The following LARP1 variants were observed in gnomAD, a reference collection of about 807,000 sequenced individuals.
The protein encoded by LARP1 is La ribonucleoprotein 1, translational regulator.
LARP1 carries 36 observed loss-of-function variants against 122.7 expected under a neutral mutation model. The ratio of observed to expected loss-of-function variants is 0.29; its 90% CI spans 0.22 to 0.39. The LOEUF is 0.39. LARP1 is among the 10% of genes least tolerant of loss of function. The probability of loss-of-function intolerance (pLI) is 1.00; values close to 1 mark genes in which losing one functional copy is unlikely to be tolerated. For synonymous variants in LARP1, 539 were observed against 528.7 expected (o/e 1.02, Z -0.27); for missense variants, 1,040 against 1,403.6 (o/e 0.74, Z 4.14).
chr5:154,796,005 TTA>T (rs1280666126), intron 8 of LARP1, among the ~76,000 whole-genome samples: 5 of 100,968 alleles, frequency 5.0e-5, no homozygotes, highest in African/African-American at 7.9e-5. Context: ...TTTATATATA[TTA>T]TATATTTATA....
chr5:154,756,185 C>A lies in LARP1; in HGVS notation c.428C>A (p.Ser143Tyr), dbSNP rs1393356423. ...GTCCTGACCACCGTGAACGGACAGTCCCCCCCAGGTGGGTCTCCCTCCTTG... is the reference window on the plus strand; with the variant it reads ...GTCCTGACCACCGTGAACGGACAGTACCCCCCAGGTGGGTCTCCCTCCTTG... ...PPVLTTVNGQ[S>Y]PPEHSAPAKV... The change falls in exon 1 of 19, where the codon TCC (serine) becomes TAC (tyrosine). Residue 143 changes from serine (S) to tyrosine (Y), a missense_variant. Coordinates refer to ENST00000518297, the MANE Select transcript of LARP1 (RefSeq NM_033551.3). 6 of 1,298,320 alleles carry A rather than the reference C, an allele frequency of 4.6e-6. No individual in the cohort carries two copies. The highest frequency in any genetic ancestry group is 2.3e-5 in the Admixed American group (1 of 43,834). 80.4% of individuals were successfully genotyped at this position (1,298,320 alleles called of 1,614,324 possible). A position where few individuals can be genotyped will look rare whatever the true frequency, so the allele number is the denominator to read the frequency against.
intron 1 of LARP1, among the ~76,000 whole-genome samples, chr5:154,767,480 A>G (rs1008267161): frequency 3.3e-5 from 5 of 152,130 alleles, no homozygotes; most frequent in Admixed American, 6.5e-5. Flanking sequence ...GAACTCTCAG[A>G]GCCAGTTTTT....
rs770291550 is a variant in LARP1, at chr5:154,802,247, A to G, written c.1957A>G (p.Met653Val). 4.3e-6 allele frequency: 7 copies of G among 1,614,066 alleles called. No homozygotes were observed. Among genetic ancestry groups the G allele is most frequent in the African/African-American group, 1.3e-5 (1 of 74,918 alleles). The change falls in exon 11 of 19, where the codon ATG (methionine) becomes GTG (valine). Residue 653 changes from methionine to valine, a missense_variant. Physicochemically the swap from Met to Val is conservative, Grantham distance 21. Around this residue, in one of 8 missense-constraint regions of LARP1, gnomAD observed 362 missense variants for 533.1 expected, o/e 0.68. Coordinates refer to ENST00000518297, the MANE Select transcript of LARP1 (RefSeq NM_033551.3). This position sits in a 1 kb window ranked among gnomAD's most constrained non-coding sequence, Gnocchi z 5.1. Reference protein sequence around the residue: ...ILIVTQTPHYMRRHPGGDRTG... With the variant: ...ILIVTQTPHYVRRHPGGDRTG... ...CATTGTCACCCAGACACCACATTAC[A>G]TGCGCCGGCACCCAGGGGGGGACCG...
Position 154,764,454 on chromosome 5 carries a change from A to T in LARP1, c.436+8261A>T, listed in dbSNP as rs1283336208. Among the ~76,000 whole-genome samples, 8 of 151,098 alleles carry T rather than the reference A, an allele frequency of 5.3e-5. No individual in the cohort carries two copies. In the East Asian group the frequency reaches 1.6e-3, roughly 30 times the overall value. On this transcript the variant is annotated intron_variant, in intron 1 of 18. Coordinates refer to ENST00000518297, the MANE Select transcript of LARP1 (RefSeq NM_033551.3). ...GACCCCATCTCTTTAAAAAAAAATTAACTGGGTGTGGTGGTGCATTCCTGT... is the reference window on the plus strand; with the variant it reads ...GACCCCATCTCTTTAAAAAAAAATTTACTGGGTGTGGTGGTGCATTCCTGT...
chr5:154,781,459 GAC>G (rs1756431703), intron 1 of LARP1, among the ~76,000 whole-genome samples: 1 of 152,108 alleles, frequency 6.6e-6, no homozygotes, highest in South Asian at 2.1e-4. Flanking sequence ...TGGGCATGGT[GAC>G]ACACACCTGT....
At position 154,791,377 on chromosome 5, in the gene LARP1, C is replaced by A. The variant is rs986592638; in HGVS notation, c.564+667C>A. Reference sequence around the variant, plus strand: ...TACAGGCACCCACCATCATGCCTGGCTAATTTTTGTATATTTTAGAGACGA... The same window carrying A: ...TACAGGCACCCACCATCATGCCTGGATAATTTTTGTATATTTTAGAGACGA... On this transcript the variant is annotated intron_variant, in intron 3 of 18. Coordinates refer to ENST00000518297, the MANE Select transcript of LARP1 (RefSeq NM_033551.3). Among the ~76,000 whole-genome samples the A allele has an allele frequency of 2.6e-5, 4 of 151,654 alleles. No individual in the cohort carries two copies. The South Asian group carries it at 8.3e-4, about 32-fold the overall frequency.
chr5:154,752,775 C>T (rs1221660660), upstream of LARP1, among the ~76,000 whole-genome samples: 1 of 151,696 alleles, frequency 6.6e-6, no homozygotes, highest in Non-Finnish European at 1.5e-5. Context: ...CCCATCACTA[C>T]TAAAAATACA....
upstream of LARP1, among the ~76,000 whole-genome samples, chr5:154,755,335 G>A (rs1365393495): frequency 2.1e-4 from 32 of 150,044 alleles, no homozygotes; most frequent in African/African-American, 7.0e-4. Context: ...GCCTGCCGCG[G>A]ATCGCGTGGT....
chr5:154,708,067 C>G (rs1026990150), upstream of LARP1, among the ~76,000 whole-genome samples: 1 of 152,198 alleles, frequency 6.6e-6, no homozygotes, highest in Non-Finnish European at 1.5e-5. Context: ...GTCGCGGATC[C>G]ATTCCTTCCC....
At chr5:154,769,200 T>C (rs78395877) in intron 1 of LARP1, among the ~76,000 whole-genome samples, 2 of 152,302 alleles carry the variant, frequency 1.3e-5, no homozygotes, top group East Asian at 1.9e-4. Context: ...AAAGCTGTTA[T>C]AGGGGTAAAA....
In LARP1 at chr5:154,813,922, C is replaced by G; in HGVS notation, c.3117C>G (p.His1039Gln). 6.2e-7 allele frequency: 1 copy of G among 1,614,114 alleles called. No homozygotes were observed. Among genetic ancestry groups the G allele is most frequent in the Non-Finnish European group, 8.5e-7 (1 of 1,179,994 alleles). ...PMGEEGNHKR[H>Q]SVVAGGGGGE... Reference sequence around the variant, plus strand: ...GTGAGGAGGGCAACCACAAGCGACACTCAGTGGTAGCAGGAGGTGGCGGCG... The same window carrying G: ...GTGAGGAGGGCAACCACAAGCGACAGTCAGTGGTAGCAGGAGGTGGCGGCG... The change falls in exon 19 of 19, where the codon CAC (histidine) becomes CAG (glutamine). Residue 1039 changes from histidine (H) to glutamine (Q), a missense_variant. Physicochemically the swap from His to Gln is conservative, Grantham distance 24 (BLOSUM62 0). Around this residue, in one of 8 missense-constraint regions of LARP1, gnomAD observed 129 missense variants for 160.8 expected, o/e 0.80. Transcript: ENST00000518297.
chr5:154,814,144 T>C lies in LARP1; in HGVS notation c.*48T>C. 6.3e-7 allele frequency: 1 copy of C among 1,575,486 alleles called. No individual in the cohort carries two copies. Among genetic ancestry groups the C allele is most frequent in the Non-Finnish European group, 8.7e-7 (1 of 1,151,314 alleles). ...TGAGGGGGGAAAGGGGTAGGGTGGG[T>C]AAGAGTCCATGGGGGTGCCCAGTCC... On this transcript the variant is annotated 3_prime_UTR_variant, in exon 19 of 19. Coordinates refer to ENST00000518297, the MANE Select transcript of LARP1 (RefSeq NM_033551.3).
chr5:154,747,849 G>A (rs1436991401), intron 1 of LARP1, among the ~76,000 whole-genome samples: 3 of 152,034 alleles, frequency 2.0e-5, no homozygotes, highest in Non-Finnish European at 4.4e-5. Context: ...GGGCGACAGA[G>A]TGAGACTCCA....
At position 154,755,656 on chromosome 5, in the gene LARP1, A is replaced by G; in HGVS notation, c.-102A>G. The stretch of plus-strand genomic sequence containing the variant: ...CCCTTCTCTGCAGGGACTGGGGCCC[A>G]GCGCCCCGGAGGAAGGCGTCGCGGG... On this transcript the variant is annotated 5_prime_UTR_variant, in exon 1 of 19. Coordinates refer to ENST00000518297, the MANE Select transcript of LARP1 (RefSeq NM_033551.3). 1.0e-6 allele frequency: 1 copy of G among 987,274 alleles called. No individual in the cohort carries two copies. The highest frequency in any genetic ancestry group is 4.7e-5 in the South Asian group (1 of 21,418). The allele number at this position is 987,274 out of a possible 1,614,324, so 61.2% of individuals were successfully genotyped here. A position where few individuals can be genotyped will look rare whatever the true frequency, so the allele number is the denominator to read the frequency against.
intron 3 of LARP1, chr5:154,791,873 T>C (rs771451466): frequency 7.6e-5 from 33 of 434,738 alleles, no homozygotes; most frequent in Middle Eastern, 3.3e-4. Flanking sequence ...GTCAGCTGAA[T>C]TGCCTGTTCA....
At chr5:154,804,133 C>A in intron 13 of LARP1, 68 bp from the exon 14 acceptor site, 2 of 1,129,800 alleles carry the variant, frequency 1.8e-6, no homozygotes, top group Admixed American at 1.7e-5. Context: ...CTTAGTCCTA[C>A]AAGTGCTTGA....
intron 18 of LARP1, 36 bp downstream of exon 18, chr5:154,811,676 G>A (rs1165929792): frequency 2.5e-6 from 4 of 1,612,382 alleles, no homozygotes; most frequent in South Asian, 1.1e-5. Flanking sequence ...TGCTTGTCCT[G>A]GAAAGAAAAC....
chr5:154,782,801 A>G (rs956943021), intron 1 of LARP1, among the ~76,000 whole-genome samples: 3 of 152,068 alleles, frequency 2.0e-5, no homozygotes, highest in Non-Finnish European at 1.5e-5. Context: ...CCTCTGAGAG[A>G]TGGTACCGAC....
intron 1 of LARP1, among the ~76,000 whole-genome samples, chr5:154,733,464 G>A (rs1756701579): frequency 6.6e-6 from 1 of 152,134 alleles, no homozygotes; most frequent in Admixed American, 6.5e-5. Context: ...CAAAATGCTG[G>A]GATTACAGCT....
Sources: gnomAD v4.1 joint callset for allele counts (sites outside exome capture counted in the v4.1 genomes callset) on GRCh38, gnomAD v4.1.1 for gene constraint, gnomAD v4.1.1 regional missense constraint, Gnocchi (gnomAD v3.1) non-coding constraint, MANE v1.5 for transcripts, NCBI Gene and HGNC (gene_info 2026-07-23, HGNC 2026-07-21) for gene names.